Variants in MX2 observed in about 807,000 individuals in gnomAD.
MX2 encodes MX dynamin like GTPase 2, also known as interferon-induced GTP-binding protein Mx2.
Under a neutral mutation model 74.0 loss-of-function variants are expected in MX2, and 51 were observed. The ratio of observed to expected loss-of-function variants is 0.69; its 90% CI spans 0.55 to 0.87. The LOEUF is 0.87. Ranked by LOEUF, MX2 falls within the 40% of genes least tolerant of loss-of-function variation. The pLI, the probability that MX2 is intolerant of heterozygous loss-of-function variation, is 0.00. For synonymous variants in MX2, 369 were observed against 339.3 expected, an observed-to-expected ratio of 1.09 and a Z score of -0.96; for missense variants, 832 against 908.7, an observed-to-expected ratio of 0.92 and a Z score of 1.09.
At chr21:41,395,093 G>A (rs2089716723) in intron 6 of MX2, among the ~76,000 whole-genome samples, 1 of 152,104 alleles carries the variant, frequency 6.6e-6, no homozygotes, top group Admixed American at 6.6e-5. Context: ...ACAAAAAAGA[G>A]CACTTGGAAT....
rs1159763630 is a variant in MX2, at chr21:41,402,942, A to G, written c.1574-325A>G. 6.7e-6 allele frequency: 2 copies of G among 300,584 alleles called. No homozygotes were observed. The highest frequency in any genetic ancestry group is 8.7e-5 in the Admixed American group (2 of 23,072). The allele number at this position is 300,584 out of a possible 1,614,324, so 18.6% of individuals were successfully genotyped here. A position where few individuals can be genotyped will look rare whatever the true frequency, so the allele number is the denominator to read the frequency against. On this transcript the variant is annotated intron_variant, in intron 11 of 13. Coordinates refer to ENST00000330714, the MANE Select transcript of MX2 (RefSeq NM_002463.2). This position sits in a 1 kb window ranked among gnomAD's most constrained non-coding sequence, Gnocchi z 4.5. ...CTCAGGCAGCAGTGCTCACTAGCTC[A>G]CTGCACACCTCCTGCCGGACACGGA... is the stretch of plus-strand genomic sequence containing the variant.
In MX2 at chr21:41,374,474, C is replaced by T. The variant is rs559213906; in HGVS notation, c.-71-2362C>T. ...TAGGGTCTGGGCTGGTGAGCAGGGA[C>T]GGGGAAGGCCCCGACAGCAGACCCC... On this transcript the variant is annotated intron_variant, in intron 1 of 13. Coordinates refer to ENST00000330714, the MANE Select transcript of MX2 (RefSeq NM_002463.2). 5.3e-5 allele frequency among the ~76,000 whole-genome samples: 8 copies of T among 152,316 alleles called. No homozygotes were observed. In the South Asian group the frequency reaches 6.2e-4, roughly 12 times the overall value.
intron 9 of MX2, 46 bp from the exon 10 acceptor site, chr21:41,399,150 T>C (rs763278471): frequency 1.9e-6 from 3 of 1,605,474 alleles, no homozygotes; most frequent in Non-Finnish European, 2.6e-6. Flanking sequence ...GTCCCAGTTC[T>C]TTCATATGAT....
At chr21:41,390,167 C>G (rs1568942023) in intron 5 of MX2, 1 of 213,956 alleles carries the variant, frequency 4.7e-6, no homozygotes, top group Non-Finnish European at 9.9e-6. Flanking sequence ...GACACCAGGA[C>G]AGAGAAGATG....
At position 41,407,548 on chromosome 21, in the gene MX2, C is replaced by T. The variant is rs116722384; in HGVS notation, c.1906-443C>T. Among the ~76,000 whole-genome samples, 359 of 152,312 alleles carry T rather than the reference C, an allele frequency of 2.4e-3. 5 individuals carry two copies. The highest frequency in any genetic ancestry group is 8.1e-3 in the African/African-American group (338 of 41,552). ...TTAAACTGCAAAGACACCCACCTCC[C>T]GAAGCCCTTTCTCAATCAGAATAGA... On this transcript the variant is annotated intron_variant, in intron 13 of 13. Coordinates refer to ENST00000330714, the MANE Select transcript of MX2 (RefSeq NM_002463.2).
rs538747662 is a variant in MX2, at chr21:41,392,021, C to G, written c.871+1318C>G. On this transcript the variant is annotated intron_variant, in intron 6 of 13. Coordinates refer to ENST00000330714, the MANE Select transcript of MX2 (RefSeq NM_002463.2). The stretch of plus-strand genomic sequence containing the variant: ...AGATCCTAGTGTCTGTTATTCCCCT[C>G]TACGTGTTCATGTGTTCTCATCCTT... Among the ~76,000 whole-genome samples, 84 of 152,278 alleles carry G rather than the reference C, an allele frequency of 5.5e-4. 1 individual carries two copies. The Middle Eastern group carries it at 0.01, about 18-fold the overall frequency.
chr21:41,373,940 A>C (rs923616540), intron 1 of MX2: 3 of 152,292 alleles, frequency 2.0e-5, no homozygotes, highest in African/African-American at 7.2e-5. Context: ...ACACTCACTG[A>C]GCACCGCCTC....
Position 41,377,791 on chromosome 21 carries a change from G to A in MX2, c.252G>A (p.Gly84=), listed in dbSNP as rs780712084. 12 of 1,608,376 alleles carry A rather than the reference G, an allele frequency of 7.5e-6. No individual in the cohort carries two copies. The East Asian group carries it at 2.2e-4, about 30-fold the overall frequency. ...GGCATCTGTTCTGCCTTCTCCAGGG[G>A]CCCGAGAACAACCTGTACAGCCAGT... ...PGNRSQPRAM[G]PENNLYSQYE... is the part of the protein sequence containing the mutation. The change falls in exon 3 of 14, where the codon GGG becomes GGA. Residue 84 remains glycine, a splice_region_variant and synonymous_variant. Transcript: ENST00000330714.
At position 41,407,982 on chromosome 21, in the gene MX2, C is replaced by G. The variant is rs749558427; in HGVS notation, c.1906-9C>G. The G allele has an allele frequency of 6.2e-7, 1 of 1,614,016 alleles. No individual in the cohort carries two copies. Among genetic ancestry groups the G allele is most frequent in the East Asian group, 2.2e-5 (1 of 44,888 alleles). On this transcript the variant is annotated splice_polypyrimidine_tract_variant and intron_variant, in intron 13 of 13. Transcript: ENST00000330714. ...CACTCCAGCAAACCCTTCTTTCTCC[C>G]TCTTCCAGGAAACCAGCAAACGTCT...
chr21:41,376,641 G>A (rs531036031), intron 1 of MX2, among the ~76,000 whole-genome samples, 195 bp from the exon 2 acceptor site: 1 of 152,278 alleles, frequency 6.6e-6, no homozygotes, highest in African/African-American at 2.4e-5. Context: ...AGCCCGGGCC[G>A]GTAGAAATCC....
In MX2 at chr21:41,399,238, G is replaced by A; in HGVS notation, c.1315G>A (p.Gly439Arg). 1 of 1,613,972 alleles carries A rather than the reference G, an allele frequency of 6.2e-7. No homozygotes were observed. The highest frequency in any genetic ancestry group is 8.5e-7 in the Non-Finnish European group (1 of 1,179,866). The change falls in exon 10 of 14, where the codon GGA becomes AGA. Residue 439 changes from glycine to arginine, a missense_variant. By Grantham distance (125) the Gly-to-Arg change is moderately radical (BLOSUM62 -2). Coordinates refer to ENST00000330714, the MANE Select transcript of MX2 (RefSeq NM_002463.2). ...FNQDIEKLVEGEEVVRENETR... is the reference protein window; with the variant it reads ...FNQDIEKLVEREEVVRENETR... ...TCAGGACATCGAAAAGTTAGTAGAA[G>A]GAGAAGAAGTTGTAAGGGAGAATGA...
chr21:41,367,414 C>T (rs1290558557), intron 1 of MX2: 2 of 151,680 alleles, frequency 1.3e-5, no homozygotes, highest in Non-Finnish European at 2.9e-5. Context: ...GGCTGTTTTT[C>T]AGTGAATGAT....
chr21:41,377,753 G>T (rs1353534969), intron 2 of MX2, 36 bp from the exon 3 acceptor site: 1 of 1,572,720 alleles, frequency 6.4e-7, no homozygotes, highest in Non-Finnish European at 8.7e-7. Context: ...ACCCTATCAG[G>T]GGTCAAGGCA....
chr21:41,377,258 C>T, intron 2 of MX2, 103 bp downstream of exon 2: 1 of 1,493,224 alleles, frequency 6.7e-7, no homozygotes, highest in Non-Finnish European at 9.1e-7. Flanking sequence ...CAGTCTGCTC[C>T]TCCAGCACAG....
intron 5 of MX2, among the ~76,000 whole-genome samples, chr21:41,387,819 C>A (rs1013205039): frequency 6.6e-6 from 1 of 152,208 alleles, no homozygotes; most frequent in African/African-American, 2.4e-5. Context: ...TGGGTCCAAG[C>A]AACACCCGAT....
intron 7 of MX2, among the ~76,000 whole-genome samples, chr21:41,396,209 C>G (rs1285558413): frequency 6.6e-6 from 1 of 152,234 alleles, no homozygotes; most frequent in Non-Finnish European, 1.5e-5. Context: ...CCGTAAACGG[C>G]ACACAGGAAA....
chr21:41,376,225 A>T (rs891967636), intron 1 of MX2, among the ~76,000 whole-genome samples: 1 of 152,162 alleles, frequency 6.6e-6, no homozygotes, highest in Non-Finnish European at 1.5e-5. Context: ...GCCATAGATG[A>T]CACAGACCAT....
In MX2 at chr21:41,398,878, T is replaced by A; in HGVS notation, c.1150-19T>A. On this transcript the variant is annotated intron_variant, in intron 8 of 13. Coordinates refer to ENST00000330714, the MANE Select transcript of MX2 (RefSeq NM_002463.2). ...ATCTCTTAAGCCGCAGTTTGATTGT[T>A]TGCAATTGTTTTGTTTAGAAATCGC... 6.2e-7 allele frequency: 1 copy of A among 1,608,958 alleles called. No homozygotes were observed. The highest frequency in any genetic ancestry group is 1.1e-5 in the South Asian group (1 of 90,852).
chr21:41,392,382 C>T (rs748097615), intron 6 of MX2, among the ~76,000 whole-genome samples: 11 of 152,298 alleles, frequency 7.2e-5, no homozygotes, highest in South Asian at 6.2e-4. Flanking sequence ...TGAACTTCAA[C>T]GACATTATGC....
Sources: allele counts gnomAD v4.1 joint callset (sites outside exome capture counted in the v4.1 genomes callset), GRCh38; gene constraint gnomAD v4.1.1; non-coding constraint Gnocchi (gnomAD v3.1); transcripts MANE v1.5; gene names NCBI Gene and HGNC (gene_info 2026-07-23, HGNC 2026-07-21).